PCDHGB4: variants seen among roughly 807,000 people sequenced by gnomAD.
PCDHGB4 encodes protocadherin gamma subfamily B, 4.
A neutral mutation model predicts 60.5 loss-of-function variants in PCDHGB4; 38 were observed. The observed-to-expected ratio is 0.63, with a 90% CI of 0.48 to 0.82. The LOEUF (loss-of-function observed/expected upper bound fraction) is 0.82. Among genes scored for constraint, PCDHGB4 ranks in the 40% least tolerant of loss-of-function variants. PCDHGB4 has a pLI of 0.00. For synonymous variants in PCDHGB4, 456 were observed against 509.7 expected (o/e 0.89, Z 1.42); for missense variants, 1,109 against 1,209.6 (o/e 0.92, Z 1.23).
chr5:141,388,742 G>A lies in PCDHGB4; in HGVS notation c.858G>A (p.Gln286=), dbSNP rs1340234849. ...CTTTCTCTTTCAGTGAAGCTAGCCAGATCACCCAATTTGACCTGAACTCTA... is the reference window on the plus strand; with the variant it reads ...CTTTCTCTTTCAGTGAAGCTAGCCAAATCACCCAATTTGACCTGAACTCTA... The part of the protein sequence containing the change: ...EITFSFSEAS[Q]ITQFDLNSNT... Residue 286 remains glutamine, a synonymous_variant, in exon 1 of 4, where the codon CAG becomes CAA. Transcript: ENST00000519479. The A allele has an allele frequency of 7.4e-6, 12 of 1,614,004 alleles. No homozygotes were observed. The highest frequency in any genetic ancestry group is 1.0e-5 in the Non-Finnish European group (12 of 1,179,894).
Position 141,490,795 on chromosome 5 carries a change from C to G in PCDHGB4, c.2398-4012C>G. The G allele has an allele frequency of 6.2e-7, 1 of 1,614,036 alleles. No homozygotes were observed. The highest frequency in any genetic ancestry group is 1.1e-5 in the South Asian group (1 of 91,084). Reference sequence around the variant, plus strand: ...CCCAGAGGATGGACGGATCTTTGCCCAGCGTACCTTTGACTATGAATTGCT... The same window carrying G: ...CCCAGAGGATGGACGGATCTTTGCCGAGCGTACCTTTGACTATGAATTGCT... On this transcript the variant is annotated intron_variant, in intron 1 of 3. Transcript: ENST00000519479. This position sits in a 1 kb window ranked among gnomAD's most constrained non-coding sequence, Gnocchi z 5.4.
At chr5:141,396,795 G>T (rs1022475514) in intron 1 of PCDHGB4, among the ~76,000 whole-genome samples, 1 of 152,180 alleles carries the variant, frequency 6.6e-6, no homozygotes, top group Admixed American at 6.5e-5. Context: ...ATTTCCTAAG[G>T]ATTGTGTAGT....
chr5:141,390,446 G>A, intron 1 of PCDHGB4, 165 bp downstream of exon 1: 1 of 862,526 alleles, frequency 1.2e-6, no homozygotes, highest in Non-Finnish European at 1.7e-6. Context: ...CTACAAAGGA[G>A]GAGTAAAGTA....
At chr5:141,444,531 CTG>C (rs2098439915) in intron 1 of PCDHGB4, among the ~76,000 whole-genome samples, 1 of 152,100 alleles carries the variant, frequency 6.6e-6, no homozygotes, top group Non-Finnish European at 1.5e-5. Context: ...GAGACAGTGA[CTG>C]TGTCTAGTGA....
chr5:141,487,380 G>A lies in PCDHGB4; in HGVS notation c.2398-7427G>A. On this transcript the variant is annotated intron_variant, in intron 1 of 3. Transcript: ENST00000519479. This position sits in a 1 kb window ranked among gnomAD's most constrained non-coding sequence, Gnocchi z 5.0. ...GCTGGCACCTGTGCCTGTCTCACCA[G>A]ATCTCGAAGGAGGGAGGGGCTTCCC... is the stretch of plus-strand genomic sequence containing the variant. The A allele has an allele frequency of 1.2e-6, 2 of 1,614,202 alleles. No individual in the cohort carries two copies. The highest frequency in any genetic ancestry group is 2.2e-5 in the South Asian group (2 of 91,078).
At chr5:141,430,877 G>T in intron 1 of PCDHGB4, 1 of 1,600,796 alleles carries the variant, frequency 6.2e-7, no homozygotes. Flanking sequence ...GGAAGAGCTG[G>T]AGAAAGGCTC....
At chr5:141,463,261 T>G (rs552225283) in intron 1 of PCDHGB4, among the ~76,000 whole-genome samples, 29 of 152,134 alleles carry the variant, frequency 1.9e-4, no homozygotes, top group African/African-American at 6.3e-4. Context: ...TAGTACTCTA[T>G]CCCATAAATT....
At chr5:141,425,756 A>G (rs1282506394) in intron 1 of PCDHGB4, among the ~76,000 whole-genome samples, 1 of 152,228 alleles carries the variant, frequency 6.6e-6, no homozygotes, top group Non-Finnish European at 1.5e-5. Flanking sequence ...TTTTTGTTCT[A>G]CAACAGGAGA....
chr5:141,398,067 C>T, intron 1 of PCDHGB4: 1 of 1,577,626 alleles, frequency 6.3e-7, no homozygotes, highest in Non-Finnish European at 8.6e-7. Flanking sequence ...ATCTACAATA[C>T]AGAGGTTATT....
chr5:141,405,260 T>A, intron 1 of PCDHGB4: 1 of 1,614,140 alleles, frequency 6.2e-7, no homozygotes, highest in South Asian at 1.1e-5. Flanking sequence ...TCACCTGATC[T>A]TCCCCCAGCC....
intron 1 of PCDHGB4, chr5:141,393,004 T>C (rs781030004): frequency 1.2e-6 from 2 of 1,613,554 alleles, no homozygotes; most frequent in Middle Eastern, 1.7e-4. Flanking sequence ...AAGCACGGAG[T>C]CCGTATCGTC....
At position 141,389,731 on chromosome 5, in the gene PCDHGB4, G is replaced by C. The variant is rs761645703; in HGVS notation, c.1847G>C (p.Ser616Thr). 6.2e-7 allele frequency: 1 copy of C among 1,612,688 alleles called. No homozygotes were observed. The highest frequency in any genetic ancestry group is 8.5e-7 in the Non-Finnish European group (1 of 1,179,748). ...VLQASEPGLF[S>T]LGLRTGEVRT... Reference sequence around the variant, plus strand: ...CAGGCTAGCGAGCCCGGGCTCTTCAGCCTGGGGCTGCGCACGGGCGAAGTG... The same window carrying C: ...CAGGCTAGCGAGCCCGGGCTCTTCACCCTGGGGCTGCGCACGGGCGAAGTG... Residue 616 changes from serine to threonine, a missense_variant, in exon 1 of 4, where the codon AGC becomes ACC. Physicochemically the swap from Ser to Thr is moderately conservative, Grantham distance 58 (BLOSUM62 1). Transcript: ENST00000519479.
rs1322608789 is a variant in PCDHGB4, at chr5:141,485,671, G to A, written c.2398-9136G>A. 3 of 1,612,860 alleles carry A rather than the reference G, an allele frequency of 1.9e-6. No homozygotes were observed. The highest frequency in any genetic ancestry group is 2.5e-6 in the Non-Finnish European group (3 of 1,179,040). On this transcript the variant is annotated intron_variant, in intron 1 of 3. Coordinates refer to ENST00000519479, the MANE Select transcript of PCDHGB4 (RefSeq NM_003736.4). This position sits in a 1 kb window ranked among gnomAD's most constrained non-coding sequence, Gnocchi z 5.7. Reference sequence around the variant, plus strand: ...AGGATGCAGATGTGGGGAGCAATTCGATTAGCAGCTATAGGCTGAGCTCCA... The same window carrying A: ...AGGATGCAGATGTGGGGAGCAATTCAATTAGCAGCTATAGGCTGAGCTCCA...
At chr5:141,413,331 C>T (rs1300057166) in intron 1 of PCDHGB4, 1 of 1,613,992 alleles carries the variant, frequency 6.2e-7, no homozygotes, top group Admixed American at 1.7e-5. Context: ...TGGGCAACAT[C>T]TCCAAGGACT....
rs1169859236 is a variant in PCDHGB4 at position 141,387,968 on chromosome 5, G to A, written c.84G>A (p.Ala28=). ...FLFLLSLFCP[A]LCEQIRYRIP... ...TCCTGCTGTCTTTGTTCTGCCCGGC[G>A]CTCTGTGAGCAGATCCGCTACAGGA... The change falls in exon 1 of 4, where the codon GCG becomes GCA. Residue 28 remains alanine (A), a synonymous_variant. Transcript: ENST00000519479. The A allele has an allele frequency of 7.4e-6, 11 of 1,489,402 alleles. No individual in the cohort carries two copies. The highest frequency in any genetic ancestry group is 9.9e-6 in the Non-Finnish European group (11 of 1,109,600). The allele number at this position is 1,489,402 out of a possible 1,614,324, so 92.3% of individuals were successfully genotyped here.
chr5:141,423,435 G>A (rs2096740494), intron 1 of PCDHGB4: 1 of 1,613,892 alleles, frequency 6.2e-7, no homozygotes, highest in Admixed American at 1.7e-5. Context: ...TGGCAGGTAT[G>A]CCCACGTCAC....
At position 141,432,952 on chromosome 5, in the gene PCDHGB4, C is replaced by G. The variant is rs2097553312; in HGVS notation, c.2397+42671C>G. ...GCCTGCTGCAGGCTTCAGGAGGCGGCTTGACAGGAGCGCCGGCGTCGCACT... is the reference window on the plus strand; with the variant it reads ...GCCTGCTGCAGGCTTCAGGAGGCGGGTTGACAGGAGCGCCGGCGTCGCACT... On this transcript the variant is annotated intron_variant, in intron 1 of 3. Transcript: ENST00000519479. The surrounding 1 kb of genome is among the most constrained non-coding windows in gnomAD (Gnocchi z 6.0). 1 of 1,614,086 alleles carries G rather than the reference C, an allele frequency of 6.2e-7. No individual in the cohort carries two copies. Among genetic ancestry groups the G allele is most frequent in the South Asian group, 1.1e-5 (1 of 91,090 alleles).
Position 141,489,764 on chromosome 5 carries a change from A to G in PCDHGB4, c.2398-5043A>G. ...GTGAGCTTTTACACTCTAAGCCCCA[A>G]CAGCCACTTCTCTCTGAATGTGAAG... is the stretch of plus-strand genomic sequence containing the variant. On this transcript the variant is annotated intron_variant, in intron 1 of 3. Transcript: ENST00000519479. The surrounding 1 kb of genome is among the most constrained non-coding windows in gnomAD (Gnocchi z 4.5). 2 of 1,613,556 alleles carry G rather than the reference A, an allele frequency of 1.2e-6. No homozygotes were observed. The highest frequency in any genetic ancestry group is 1.7e-6 in the Non-Finnish European group (2 of 1,179,894).
rs201895231 is a variant in PCDHGB4 at position 141,392,844 on chromosome 5, G to A, written c.2397+2563G>A. On this transcript the variant is annotated intron_variant, in intron 1 of 3. Coordinates refer to ENST00000519479, the MANE Select transcript of PCDHGB4 (RefSeq NM_003736.4). ...CGCTCCACAGAGTCGCCCCAGACGC[G>A]GCGAGCTGATCCTGCTGTGCGCGCT... The A allele has an allele frequency of 1.3e-5, 21 of 1,609,468 alleles. 1 individual carries two copies. The East Asian group carries it at 1.6e-4, about 12-fold the overall frequency.
Sources: allele counts gnomAD v4.1 joint callset (sites outside exome capture counted in the v4.1 genomes callset), GRCh38; gene constraint gnomAD v4.1.1; non-coding constraint Gnocchi (gnomAD v3.1); transcripts MANE v1.5; gene names NCBI Gene and HGNC (gene_info 2026-07-23, HGNC 2026-07-21).